Variants in KLHL2 observed in about 807,000 individuals in gnomAD.
The protein encoded by KLHL2 is kelch like family member 2.
KLHL2 carries 15 observed loss-of-function variants against 75.8 expected under a neutral mutation model. The observed-to-expected ratio is 0.20, with a 90% CI of 0.13 to 0.30. The LOEUF is 0.30. Ranked by LOEUF, KLHL2 falls within the 10% of genes least tolerant of loss-of-function variation. The pLI, the probability that KLHL2 is intolerant of heterozygous loss-of-function variation, is 1.00. For missense variants in KLHL2, 381 were observed against 741.0 expected (o/e 0.51, Z 5.64); for synonymous variants, 214 against 251.9 (o/e 0.85, Z 1.42).
At position 165,280,729 on chromosome 4, in the gene KLHL2, C is replaced by T. The variant is rs1221664289; in HGVS notation, c.545-13630C>T. 2.6e-5 allele frequency among the ~76,000 whole-genome samples: 4 copies of T among 152,334 alleles called. No individual in the cohort carries two copies. In the South Asian group the frequency reaches 8.3e-4, roughly 32 times the overall value. The stretch of plus-strand genomic sequence containing the variant: ...ATATTCATGCATTCATTATGGTCCT[C>T]TTTATTCCTTAGTAAACTACATGCA... On this transcript the variant is annotated intron_variant, in intron 5 of 14. Transcript: ENST00000226725.
At chr4:165,213,580 A>T (rs576148867) in intron 1 of KLHL2, among the ~76,000 whole-genome samples, 1 of 151,716 alleles carries the variant, frequency 6.6e-6, no homozygotes, top group Non-Finnish European at 1.5e-5. Flanking sequence ...TTGCATTCCT[A>T]TGGTGTTTGT....
At chr4:165,253,537 G>C (rs907620657) in intron 4 of KLHL2, among the ~76,000 whole-genome samples, 1 of 152,218 alleles carries the variant, frequency 6.6e-6, no homozygotes, top group Non-Finnish European at 1.5e-5. Flanking sequence ...CACTGTACTT[G>C]ATTGTTTTTC....
rs115190621 is a variant in KLHL2 at position 165,272,020 on chromosome 4, C to T, written c.544+8661C>T. ...ATTGGAGAGTAGTAGTCCTAGAATC[C>T]GTATTTCATTTACCAAATAAATAAT... On this transcript the variant is annotated intron_variant, in intron 5 of 14. Transcript: ENST00000226725. Among the ~76,000 whole-genome samples, 1,509 of 152,224 alleles carry T rather than the reference C, an allele frequency of 9.9e-3. 22 individuals are homozygous for T. Among genetic ancestry groups the T allele is most frequent in the African/African-American group, 0.032 (1,311 of 41,530 alleles).
At chr4:165,270,762 C>T (rs1742624698) in intron 5 of KLHL2, among the ~76,000 whole-genome samples, 3 of 152,130 alleles carry the variant, frequency 2.0e-5, no homozygotes, top group South Asian at 4.2e-4. Context: ...GTCTCCCAGT[C>T]AGGCTACACA....
In KLHL2 at chr4:165,207,621, C is replaced by A. The variant is rs540795869; in HGVS notation, c.-256C>A. On this transcript the variant is annotated 5_prime_UTR_variant, in exon 1 of 15. Transcript: ENST00000226725. This position sits in a 1 kb window ranked among gnomAD's most constrained non-coding sequence, Gnocchi z 4.2. ...ACCCGGAAGTGGCCGAGCCCGCGCG[C>A]CCGCCGGTCCCGTCGCCGCCGCCCC... is the stretch of plus-strand genomic sequence containing the variant. The A allele has an allele frequency of 2.4e-3, 357 of 149,632 alleles. 1 individual carries two copies. The highest frequency in any genetic ancestry group is 4.2e-3 in the Non-Finnish European group (279 of 67,170). The allele number at this position is 149,632 out of a possible 1,614,324, so 9.3% of individuals were successfully genotyped here.
In KLHL2 at chr4:165,322,017, C is replaced by T. The variant is rs1474010706; in HGVS notation, c.1754-15C>T. The T allele has an allele frequency of 4.3e-6, 7 of 1,613,044 alleles. No homozygotes were observed. Among genetic ancestry groups the T allele is most frequent in the Non-Finnish European group, 5.9e-6 (7 of 1,179,192 alleles). ...GCCTGTGACTTCTTTTTTCTCTCTT[C>T]ATTTCTTTGCTCAGGGGTCACAGTT... is the stretch of plus-strand genomic sequence containing the variant. On this transcript the variant is annotated splice_polypyrimidine_tract_variant and intron_variant, in intron 14 of 14. Transcript: ENST00000226725.
intron 1 of KLHL2, among the ~76,000 whole-genome samples, chr4:165,211,802 T>C (rs1256775707): frequency 6.6e-6 from 1 of 152,196 alleles, no homozygotes; most frequent in African/African-American, 2.4e-5. Context: ...ATTTATGTAG[T>C]AGTTTAAAAA....
intron 5 of KLHL2, among the ~76,000 whole-genome samples, chr4:165,293,361 A>T (rs528510061): frequency 8.5e-5 from 13 of 152,250 alleles, no homozygotes; most frequent in South Asian, 2.1e-4. Context: ...AGGGAAAAAA[A>T]TTTTTTAAGT....
chr4:165,278,427 T>G (rs763377723), intron 5 of KLHL2: 1 of 1,468,434 alleles, frequency 6.8e-7, no homozygotes. Flanking sequence ...GCATCCAAAA[T>G]CTCTCGAGTT....
chr4:165,259,062 A>C (rs1741434583), intron 4 of KLHL2, among the ~76,000 whole-genome samples: 1 of 152,156 alleles, frequency 6.6e-6, no homozygotes, highest in African/African-American at 2.4e-5. Flanking sequence ...AATAAATGGA[A>C]AATAACTTAA....
At chr4:165,242,797 A>G (rs550406441) in intron 4 of KLHL2, among the ~76,000 whole-genome samples, 24 of 152,324 alleles carry the variant, frequency 1.6e-4, no homozygotes, top group African/African-American at 5.5e-4. Context: ...ACTCCTGGCC[A>G]AGAATACTTG....
chr4:165,311,210 G>A (rs181491571), intron 10 of KLHL2, among the ~76,000 whole-genome samples: 115 of 152,208 alleles, frequency 7.6e-4, no homozygotes, highest in East Asian at 1.3e-3. Context: ...TATGAGTGGT[G>A]AGTATATAAA....
chr4:165,287,620 C>G (rs1744190846), intron 5 of KLHL2, among the ~76,000 whole-genome samples: 1 of 152,058 alleles, frequency 6.6e-6, no homozygotes, highest in Admixed American at 6.5e-5. Context: ...CAACAGTGCA[C>G]AAGGTTTCTA....
chr4:165,311,674 T>A, intron 11 of KLHL2, 109 bp downstream of exon 11: 1 of 751,890 alleles, frequency 1.3e-6, no homozygotes, highest in Non-Finnish European at 2.3e-6. Context: ...ATTATCATTT[T>A]AAAAAGAAAA....
In KLHL2 at chr4:165,311,021, A is replaced by AT. The variant is rs558627508; in HGVS notation, c.1237+279dup. Among the ~76,000 whole-genome samples the AT allele has an allele frequency of 4.8e-3, 722 of 151,594 alleles. 7 individuals are homozygous for AT. Among genetic ancestry groups the AT allele is most frequent in the Middle Eastern group, 0.027 (8 of 292 alleles). ...AGGTGCCCGCCACCACGCCCGGCTA[A>AT]TTTTTTTTGTATTTTTTAGTAGAGA... On this transcript the variant is annotated intron_variant, in intron 10 of 14. Transcript: ENST00000226725.
intron 1 of KLHL2, among the ~76,000 whole-genome samples, chr4:165,218,398 G>A (rs1473981972): frequency 6.6e-6 from 1 of 152,104 alleles, no homozygotes; most frequent in Non-Finnish European, 1.5e-5. Flanking sequence ...GGCCTTTGCT[G>A]TAGTTACTAC....
At position 165,290,795 on chromosome 4, in the gene KLHL2, C is replaced by T. The variant is rs190798634; in HGVS notation, c.545-3564C>T. Among the ~76,000 whole-genome samples the T allele has an allele frequency of 4.8e-3, 726 of 152,166 alleles. 3 individuals are homozygous for T. Among genetic ancestry groups the T allele is most frequent in the Non-Finnish European group, 6.6e-3 (447 of 67,990 alleles). ...CAGCCTAGCCAACATGGTGAAACCC[C>T]GTCTCTACCAAAAATACAAAAATTA... On this transcript the variant is annotated intron_variant, in intron 5 of 14. Transcript: ENST00000226725.
At chr4:165,298,193 T>G (rs1745066207) in intron 7 of KLHL2, among the ~76,000 whole-genome samples, 1 of 152,204 alleles carries the variant, frequency 6.6e-6, no homozygotes, top group East Asian at 1.9e-4. Flanking sequence ...GTACTAGAGC[T>G]TATCAAGGTA....
chr4:165,265,469 G>A lies in KLHL2; in HGVS notation c.544+2110G>A, dbSNP rs186621367. 2.3e-4 allele frequency among the ~76,000 whole-genome samples: 35 copies of A among 152,124 alleles called. No homozygotes were observed. In the South Asian group the frequency reaches 6.2e-3, roughly 27 times the overall value. ...TTTTTGTTTCGGCCAATGCCCAGAAGTTTTTCCTAAGTTTTCTTCTAGAAT... is the reference window on the plus strand; with the variant it reads ...TTTTTGTTTCGGCCAATGCCCAGAAATTTTTCCTAAGTTTTCTTCTAGAAT... On this transcript the variant is annotated intron_variant, in intron 5 of 14. Coordinates refer to ENST00000226725, the MANE Select transcript of KLHL2 (RefSeq NM_007246.4).
Sources: allele counts gnomAD v4.1 joint callset (sites outside exome capture counted in the v4.1 genomes callset), GRCh38; gene constraint gnomAD v4.1.1; non-coding constraint Gnocchi (gnomAD v3.1); transcripts MANE v1.5; gene names NCBI Gene and HGNC (gene_info 2026-07-23, HGNC 2026-07-21).